DTWD2: variants seen among roughly 807,000 people sequenced by gnomAD.
DTWD2 encodes the protein DTW motif tRNA-uridine aminocarboxypropyltransferase 2.
In DTWD2, 39 loss-of-function variants were observed where a neutral mutation model predicts 31.8. The ratio of observed to expected loss-of-function variants is 1.22; its 90% CI spans 0.95 to 1.60. DTWD2 has a LOEUF of 1.60. Ranked by LOEUF, DTWD2 falls within the 40% of genes most tolerant of loss-of-function variation. The pLI, the probability that DTWD2 is intolerant of heterozygous loss-of-function variation, is 0.00. For missense variants in DTWD2, 515 were observed against 381.5 expected (o/e 1.35, Z -2.92); for synonymous variants, 180 against 142.8 (o/e 1.26, Z -1.86).
intron 3 of DTWD2, among the ~76,000 whole-genome samples, chr5:118,934,183 C>T (rs1243463594): frequency 1.4e-5 from 2 of 146,134 alleles, no homozygotes; most frequent in Non-Finnish European, 3.0e-5. Flanking sequence ...ATCTGTAATC[C>T]CAGCACTTTG....
chr5:118,932,865 C>T (rs1753957781), intron 3 of DTWD2, among the ~76,000 whole-genome samples: 1 of 151,936 alleles, frequency 6.6e-6, no homozygotes, highest in Non-Finnish European at 1.5e-5. Flanking sequence ...TTTATTATGG[C>T]AGTCCTAGCA....
intron 4 of DTWD2, among the ~76,000 whole-genome samples, chr5:118,889,328 A>G (rs1204590504): frequency 6.6e-6 from 1 of 152,222 alleles, no homozygotes; most frequent in Non-Finnish European, 1.5e-5. Context: ...AATAAGGAGA[A>G]AAATAAACTG....
intron 4 of DTWD2, among the ~76,000 whole-genome samples, chr5:118,870,873 G>A (rs1293231530): frequency 6.6e-6 from 1 of 151,108 alleles, no homozygotes; most frequent in Non-Finnish European, 1.5e-5. Flanking sequence ...TTCAAAACTG[G>A]AGTCAATCCT....
intron 4 of DTWD2, among the ~76,000 whole-genome samples, chr5:118,923,795 A>G (rs996277559): frequency 6.6e-6 from 1 of 152,162 alleles, no homozygotes; most frequent in Non-Finnish European, 1.5e-5. Context: ...ACCCGCACAG[A>G]TGTGCTGCTG....
intron 1 of DTWD2, among the ~76,000 whole-genome samples, chr5:118,975,549 C>T (rs1421698329): frequency 6.6e-6 from 1 of 152,174 alleles, no homozygotes; most frequent in African/African-American, 2.4e-5. Context: ...ACTCATTCTC[C>T]ATCCAGTTTA....
intron 4 of DTWD2, among the ~76,000 whole-genome samples, chr5:118,879,468 G>A (rs1255179488): frequency 2.0e-5 from 3 of 151,836 alleles, no homozygotes; most frequent in Non-Finnish European, 2.9e-5. Context: ...AAATTAGCTG[G>A]GCATGGAGGC....
At chr5:118,963,024 A>G (rs1754740119) in intron 1 of DTWD2, among the ~76,000 whole-genome samples, 1 of 152,280 alleles carries the variant, frequency 6.6e-6, no homozygotes, top group Non-Finnish European at 1.5e-5. Flanking sequence ...TTAGAGATAA[A>G]TAAACAAACG....
intron 4 of DTWD2, among the ~76,000 whole-genome samples, chr5:118,892,780 A>T (rs1255365514): frequency 6.6e-6 from 1 of 152,080 alleles, no homozygotes; most frequent in Non-Finnish European, 1.5e-5. Flanking sequence ...TACTTCTAGG[A>T]GGTAAAAAAA....
At chr5:118,918,963 C>A (rs945598960) in intron 4 of DTWD2, among the ~76,000 whole-genome samples, 15 of 152,158 alleles carry the variant, frequency 9.9e-5, no homozygotes, top group African/African-American at 3.6e-4. Context: ...TTAAATAGGG[C>A]CCCTTCCTGT....
intron 4 of DTWD2, among the ~76,000 whole-genome samples, chr5:118,894,183 C>G (rs531309175): frequency 4.3e-4 from 66 of 152,266 alleles, no homozygotes; most frequent in African/African-American, 1.2e-3. Flanking sequence ...ATCCTGCTCT[C>G]TTCTAATCCA....
intron 1 of DTWD2, among the ~76,000 whole-genome samples, chr5:118,972,074 G>A (rs1755000164): frequency 6.6e-6 from 1 of 152,008 alleles, no homozygotes; most frequent in South Asian, 2.1e-4. Context: ...AGAGAAACAA[G>A]ACCAAACAAA....
At chr5:118,875,621 G>A (rs986799832) in intron 4 of DTWD2, among the ~76,000 whole-genome samples, 2 of 134,472 alleles carry the variant, frequency 1.5e-5, no homozygotes, top group South Asian at 4.7e-4. Context: ...AAGACAAAAA[G>A]GTGCATTACA....
chr5:118,980,191 C>G (rs1755267615), intron 1 of DTWD2, among the ~76,000 whole-genome samples: 1 of 152,082 alleles, frequency 6.6e-6, no homozygotes, highest in African/African-American at 2.4e-5. Context: ...ATAAGGTCTC[C>G]CTCTGGAAAA....
intron 3 of DTWD2, among the ~76,000 whole-genome samples, chr5:118,935,189 G>T (rs1196504157): frequency 2.0e-5 from 3 of 152,184 alleles, no homozygotes; most frequent in Non-Finnish European, 4.4e-5. Context: ...ACCAGGGAAG[G>T]CATGGAAGCT....
chr5:118,894,015 T>A (rs1008746027), intron 4 of DTWD2, among the ~76,000 whole-genome samples: 6 of 147,662 alleles, frequency 4.1e-5, no homozygotes, highest in Middle Eastern at 3.2e-3. Context: ...GCACCCAGCC[T>A]GGGTGACAGA....
intron 4 of DTWD2, among the ~76,000 whole-genome samples, chr5:118,899,960 C>A (rs1217508455): frequency 3.9e-5 from 6 of 152,006 alleles, no homozygotes; most frequent in African/African-American, 1.4e-4. Context: ...CGTCACCACA[C>A]CCTGAAATTT....
At chr5:118,869,993 C>A (rs184051392) in intron 4 of DTWD2, among the ~76,000 whole-genome samples, 1 of 152,056 alleles carries the variant, frequency 6.6e-6, no homozygotes, top group Non-Finnish European at 1.5e-5. Flanking sequence ...TTAAAAGGAG[C>A]CTGGCACCTC....
At chr5:118,936,693 T>G (rs1472105916) in intron 3 of DTWD2, among the ~76,000 whole-genome samples, 2 of 151,810 alleles carry the variant, frequency 1.3e-5, no homozygotes, top group African/African-American at 2.4e-5. Flanking sequence ...AGTTTTAAAA[T>G]CTGTTATCTA....
chr5:118,947,866 T>C (rs1211644383), intron 1 of DTWD2, among the ~76,000 whole-genome samples: 1 of 152,164 alleles, frequency 6.6e-6, no homozygotes, highest in Non-Finnish European at 1.5e-5. Context: ...AAAAGGGCAG[T>C]TCAAATAAGT....
Sources: allele counts gnomAD v4.1 joint callset (sites outside exome capture counted in the v4.1 genomes callset), GRCh38; gene constraint gnomAD v4.1.1; transcripts MANE v1.5; gene names NCBI Gene and HGNC (gene_info 2026-07-23, HGNC 2026-07-21).